STN1: variants seen among roughly 807,000 people sequenced by gnomAD.
STN1 encodes the protein CST complex subunit STN1.
A neutral mutation model predicts 45.5 loss-of-function variants in STN1; 29 were observed. The ratio of observed to expected loss-of-function variants is 0.64; its 90% CI spans 0.47 to 0.87. STN1 has a LOEUF of 0.87. Among genes scored for constraint, STN1 ranks in the 40% least tolerant of loss-of-function variants. The pLI, the probability that STN1 is intolerant of heterozygous loss-of-function variation, is 0.00. For missense variants in STN1, 376 were observed against 441.4 expected, an observed-to-expected ratio of 0.85 and a Z score of 1.33; for synonymous variants, 148 against 159.0, an observed-to-expected ratio of 0.93 and a Z score of 0.52.
intron 3 of STN1, among the ~76,000 whole-genome samples, chr10:103,909,426 A>ATATG (rs1843269685): frequency 1.8e-5 from 1 of 57,078 alleles, no homozygotes; most frequent in Non-Finnish European, 3.2e-5. Flanking sequence ...GTATATATGT[A>ATATG]TATATATGTA....
intron 3 of STN1, among the ~76,000 whole-genome samples, chr10:103,909,396 A>G (rs1222573168): frequency 2.9e-5 from 2 of 68,768 alleles, no homozygotes; most frequent in African/African-American, 9.7e-5. Context: ...ATATGTATAT[A>G]TGTATATATA....
chr10:103,899,080 G>A (rs1351569062), intron 5 of STN1, 80 bp from the exon 6 acceptor site: 17 of 1,504,232 alleles, frequency 1.1e-5, no homozygotes, highest in African/African-American at 2.8e-5. Context: ...CCAAACTGCT[G>A]CTAAGACAAC....
intron 7 of STN1, among the ~76,000 whole-genome samples, chr10:103,894,424 T>G (rs1321685728): frequency 1.3e-5 from 2 of 152,128 alleles, no homozygotes; most frequent in African/African-American, 4.8e-5. Context: ...AAAAACACAG[T>G]TTCAGCTGTG....
intron 3 of STN1, among the ~76,000 whole-genome samples, chr10:103,909,368 AT>A (rs1843266116): frequency 1.4e-5 from 1 of 71,730 alleles, no homozygotes; most frequent in African/African-American, 4.5e-5. Context: ...AAAAAAAAAT[AT>A]ATATATATAT....
At position 103,910,522 on chromosome 10, in the gene STN1, C is replaced by T. The variant is rs776011560; in HGVS notation, c.229+5G>A. 13 of 1,580,744 alleles carry T rather than the reference C, an allele frequency of 8.2e-6. No homozygotes were observed. The highest frequency in any genetic ancestry group is 1.1e-5 in the Non-Finnish European group (13 of 1,150,670). On this transcript the variant is annotated splice_donor_5th_base_variant and intron_variant, in intron 3 of 9. Coordinates refer to ENST00000224950, the MANE Select transcript of STN1 (RefSeq NM_024928.5). Reference sequence around the variant, plus strand: ...CAACTTCATTTCAGACACAATTGTTCTTACCTCCATAACTGTAGAAAGCAT... The same window carrying T: ...CAACTTCATTTCAGACACAATTGTTTTTACCTCCATAACTGTAGAAAGCAT...
At chr10:103,887,587 T>C (rs972561153) in intron 9 of STN1, among the ~76,000 whole-genome samples, 42 of 152,152 alleles carry the variant, frequency 2.8e-4, no homozygotes, top group African/African-American at 9.9e-4. Flanking sequence ...ACACAGTCCT[T>C]ATAACATCTT....
chr10:103,885,201 T>C lies in STN1; in HGVS notation c.950-2360A>G, dbSNP rs550607508. On this transcript the variant is annotated intron_variant, in intron 9 of 9. Transcript: ENST00000224950. ...AAGAAGATGAATGTAACTTAGTTCC[T>C]GCTCTAGAAAAGCTTCATCCCTTCC... is the stretch of plus-strand genomic sequence containing the variant. 1.9e-4 allele frequency among the ~76,000 whole-genome samples: 29 copies of C among 152,346 alleles called. No individual in the cohort carries two copies. The South Asian group carries it at 3.9e-3, about 21-fold the overall frequency.
intron 4 of STN1, among the ~76,000 whole-genome samples, chr10:103,902,662 G>A (rs1301685152): frequency 2.6e-5 from 4 of 152,148 alleles, no homozygotes; most frequent in Non-Finnish European, 5.9e-5. Context: ...ATTTATGAAA[G>A]CTAATATTAT....
At chr10:103,915,053 C>T (rs1039007592) in intron 2 of STN1, among the ~76,000 whole-genome samples, 4 of 152,150 alleles carry the variant, frequency 2.6e-5, no homozygotes, top group African/African-American at 9.7e-5. Context: ...TAGTTTTATC[C>T]ATGAAGGATC....
chr10:103,896,344 A>G (rs1843170740), intron 7 of STN1, among the ~76,000 whole-genome samples: 1 of 152,156 alleles, frequency 6.6e-6, no homozygotes, highest in Non-Finnish European at 1.5e-5. Flanking sequence ...TCAGATACAA[A>G]AACAGGGTGT....
chr10:103,884,988 A>G (rs967282738), intron 9 of STN1, among the ~76,000 whole-genome samples: 1 of 152,110 alleles, frequency 6.6e-6, no homozygotes, highest in Non-Finnish European at 1.5e-5. Context: ...TTGCTGAGCA[A>G]GGAGGAGCAA....
chr10:103,890,898 G>A (rs1482766330), intron 8 of STN1, among the ~76,000 whole-genome samples: 1 of 152,134 alleles, frequency 6.6e-6, no homozygotes, highest in Non-Finnish European at 1.5e-5. Flanking sequence ...GCACATAACG[G>A]AGTCCACACC....
rs540227913 is a variant in STN1 at position 103,880,838 on chromosome 10, A to G, written c.*1846T>C. 5.9e-5 allele frequency among the ~76,000 whole-genome samples: 9 copies of G among 152,316 alleles called. No individual in the cohort carries two copies. The highest frequency in any genetic ancestry group is 1.9e-4 in the African/African-American group (8 of 41,572). Reference sequence around the variant, plus strand: ...AGAGAGCTTGGTGTCCTGAAAGCCAAACGCGGAAAGTACTTCCAGGAGAAG... The same window carrying G: ...AGAGAGCTTGGTGTCCTGAAAGCCAGACGCGGAAAGTACTTCCAGGAGAAG... On this transcript the variant is annotated 3_prime_UTR_variant, in exon 10 of 10. Coordinates refer to ENST00000224950, the MANE Select transcript of STN1 (RefSeq NM_024928.5).
rs1323857804 is a variant in STN1 at position 103,881,210 on chromosome 10, T to G, written c.*1474A>C. Among the ~76,000 whole-genome samples the G allele has an allele frequency of 6.6e-6, 1 of 152,226 alleles. No individual in the cohort carries two copies. The highest frequency in any genetic ancestry group is 2.4e-5 in the African/African-American group (1 of 41,452). On this transcript the variant is annotated 3_prime_UTR_variant, in exon 10 of 10. Coordinates refer to ENST00000224950, the MANE Select transcript of STN1 (RefSeq NM_024928.5). ...CAGCAATGAACACCTTGTGCAACCATCCTTTCACACTTGTGTAGCCATCTC... is the reference window on the plus strand; with the variant it reads ...CAGCAATGAACACCTTGTGCAACCAGCCTTTCACACTTGTGTAGCCATCTC...
rs1843283260 is a variant in STN1 at position 103,910,561 on chromosome 10, T to G, written c.195A>C (p.Gly65=). ...KQVDVLGTVI[G]VRERDAFYSY... Reference sequence around the variant, plus strand: ...TGTAGAAAGCATCTCTTTCTCTCACTCCAATGACAGTTCCCAAGACATCTA... The same window carrying G: ...TGTAGAAAGCATCTCTTTCTCTCACGCCAATGACAGTTCCCAAGACATCTA... The change falls in exon 3 of 10, where the codon GGA becomes GGC. Residue 65 remains glycine, a synonymous_variant. Coordinates refer to ENST00000224950, the MANE Select transcript of STN1 (RefSeq NM_024928.5). The G allele has an allele frequency of 6.2e-7, 1 of 1,609,718 alleles. No homozygotes were observed. Among genetic ancestry groups the G allele is most frequent in the African/African-American group, 1.3e-5 (1 of 74,870 alleles).
chr10:103,888,768 C>T (rs1393381594), intron 9 of STN1, among the ~76,000 whole-genome samples: 1 of 152,134 alleles, frequency 6.6e-6, no homozygotes, highest in Non-Finnish European at 1.5e-5. Context: ...TATCAGAATT[C>T]CTTGTCTAGC....
intron 7 of STN1, among the ~76,000 whole-genome samples, chr10:103,896,512 G>A (rs1204439384): frequency 6.6e-6 from 1 of 152,078 alleles, no homozygotes; most frequent in Non-Finnish European, 1.5e-5. Context: ...GAAAGGGAAA[G>A]CCTAAAATCA....
chr10:103,894,553 C>G (rs1843158940), intron 7 of STN1, among the ~76,000 whole-genome samples: 1 of 152,130 alleles, frequency 6.6e-6, no homozygotes, highest in South Asian at 2.1e-4. Context: ...TTATAAAGAC[C>G]ATAGTCTCAA....
At chr10:103,896,223 G>A (rs776434771) in intron 7 of STN1, among the ~76,000 whole-genome samples, 5 of 152,264 alleles carry the variant, frequency 3.3e-5, no homozygotes, top group East Asian at 1.9e-4. Flanking sequence ...TGCCAGCCCC[G>A]TTCTAGGCCC....
Sources: allele counts gnomAD v4.1 joint callset (sites outside exome capture counted in the v4.1 genomes callset), GRCh38; gene constraint gnomAD v4.1.1; transcripts MANE v1.5; gene names NCBI Gene and HGNC (gene_info 2026-07-23, HGNC 2026-07-21).